The following FYTTD1 variants were observed in gnomAD, a reference collection of about 807,000 sequenced individuals.
The protein encoded by FYTTD1 is forty-two-three domain containing 1.
In FYTTD1, 22 loss-of-function variants were observed where a neutral mutation model predicts 40.9. That is an observed-to-expected ratio of 0.54 (90% CI 0.38 to 0.77). The LOEUF (loss-of-function observed/expected upper bound fraction) is 0.77, where lower values mean the gene tolerates loss of function less well. Ranked by LOEUF, FYTTD1 falls within the 30% of genes least tolerant of loss-of-function variation. The probability of loss-of-function intolerance (pLI) is 0.00; values close to 1 mark genes in which losing one functional copy is unlikely to be tolerated. For synonymous variants in FYTTD1, 140 were observed against 137.9 expected (o/e 1.01, Z -0.10); for missense variants, 351 against 392.2 (o/e 0.90, Z 0.89).
rs113331877 is a variant in FYTTD1, at chr3:197,754,806, G to A, written c.104-1620G>A. On this transcript the variant is annotated intron_variant, in intron 1 of 8. Coordinates refer to ENST00000241502, the MANE Select transcript of FYTTD1 (RefSeq NM_032288.7). ...CAGCCTCCTGGGTAGCTGGGACCAC[G>A]GGCACGCACCACCATGCCTGGCTAA... 7.3e-3 allele frequency among the ~76,000 whole-genome samples: 1,114 copies of A among 151,630 alleles called. 13 individuals carry two copies. The highest frequency in any genetic ancestry group is 0.025 in the African/African-American group (1,044 of 41,306).
At chr3:197,756,701 C>G (rs976876293) in intron 2 of FYTTD1, 144 bp downstream of exon 2, 2 of 757,244 alleles carry the variant, frequency 2.6e-6, no homozygotes, top group South Asian at 1.8e-5. Context: ...TTGTTTAGAT[C>G]TAAAACCTGG....
chr3:197,785,294 A>G lies in FYTTD1; in HGVS notation c.*3385A>G, dbSNP rs1730130016. 6.6e-6 allele frequency: 1 copy of G among 152,202 alleles called. No homozygotes were observed. The highest frequency in any genetic ancestry group is 1.5e-5 in the Non-Finnish European group (1 of 68,042). 9.4% of individuals were successfully genotyped at this position (152,202 alleles called of 1,614,324 possible). A position where few individuals can be genotyped will look rare whatever the true frequency, so the allele number is the denominator to read the frequency against. Reference sequence around the variant, plus strand: ...TTGTATATACCCAACCCTGCGCAATACTGAAGTCCCACATCTGTGTAAACG... The same window carrying G: ...TTGTATATACCCAACCCTGCGCAATGCTGAAGTCCCACATCTGTGTAAACG... On this transcript the variant is annotated 3_prime_UTR_variant, in exon 9 of 9. Transcript: ENST00000241502.
rs1730133979 is a variant in FYTTD1 at position 197,785,492 on chromosome 3, T to TG, written c.*3584dup. The TG allele has an allele frequency of 6.6e-6, 1 of 152,206 alleles. No homozygotes were observed. The highest frequency in any genetic ancestry group is 6.5e-5 in the Admixed American group (1 of 15,282). 9.4% of individuals were successfully genotyped at this position (152,206 alleles called of 1,614,324 possible). ...GGAAACAGGCCTCATTGCTCAGCAG[T>TG]GAGTTTTTATTAGACTAGGTATGTA... On this transcript the variant is annotated 3_prime_UTR_variant, in exon 9 of 9. Coordinates refer to ENST00000241502, the MANE Select transcript of FYTTD1 (RefSeq NM_032288.7).
chr3:197,776,755 C>T (rs1311322411), intron 6 of FYTTD1, among the ~76,000 whole-genome samples, 172 bp from the exon 7 acceptor site: 2 of 151,750 alleles, frequency 1.3e-5, no homozygotes, highest in Non-Finnish European at 2.9e-5. Context: ...ATTCAGATGC[C>T]CAGTTCCGCA....
intron 7 of FYTTD1, among the ~76,000 whole-genome samples, chr3:197,777,799 C>T (rs534193711): frequency 6.8e-4 from 104 of 152,128 alleles, no homozygotes; most frequent in Non-Finnish European, 1.3e-3. Flanking sequence ...ACTGCTGCCT[C>T]GAACTCCTGG....
intron 2 of FYTTD1, 117 bp from the exon 3 acceptor site, chr3:197,768,322 A>G: frequency 1.5e-6 from 1 of 689,208 alleles, no homozygotes; most frequent in South Asian, 3.1e-5. Context: ...TAAAAAACAT[A>G]AATAATAACA....
chr3:197,750,431 C>A (rs1304890281), intron 1 of FYTTD1: 1 of 1,020,052 alleles, frequency 9.8e-7, no homozygotes, highest in Non-Finnish European at 1.2e-6. Context: ...AAAGATCTGC[C>A]GGTTTCCCCG....
At chr3:197,755,772 G>GTACT in intron 1 of FYTTD1, 2 of 1,549,482 alleles carry the variant, frequency 1.3e-6, no homozygotes. Flanking sequence ...ATAGGTGTGA[G>GTACT]TCACCATGCC....
chr3:197,766,310 A>G (rs1020598749), intron 2 of FYTTD1, among the ~76,000 whole-genome samples: 1 of 152,158 alleles, frequency 6.6e-6, no homozygotes, highest in South Asian at 2.1e-4. Flanking sequence ...AACTAACTGA[A>G]ATGATTAGTA....
intron 5 of FYTTD1, 150 bp downstream of exon 5, chr3:197,773,649 A>G: frequency 1.8e-6 from 1 of 562,814 alleles, no homozygotes; most frequent in Non-Finnish European, 3.1e-6. Context: ...TTCCTGTTGT[A>G]TGTTTTTTAT....
chr3:197,749,787 G>C, upstream of FYTTD1: 1 of 499,178 alleles, frequency 2.0e-6, no homozygotes. Context: ...GTCACGGCGC[G>C]GGGCCGCTCT....
At chr3:197,775,655 A>G (rs1729855076) in intron 6 of FYTTD1, among the ~76,000 whole-genome samples, 1 of 152,218 alleles carries the variant, frequency 6.6e-6, no homozygotes, top group Admixed American at 6.5e-5. Context: ...GCTGTAAAAC[A>G]TGGTCAGGGC....
chr3:197,755,611 A>ATTT lies in FYTTD1; in HGVS notation c.104-815_104-814insTTT, dbSNP rs1560492096. ...CAGGCATGCACCGCCATACCCGGCTAATTTATTTATTTATTTATTTATTTA... is the reference window on the plus strand; with the variant it reads ...CAGGCATGCACCGCCATACCCGGCTATTTATTTATTTATTTATTTATTTATTTA... On this transcript the variant is annotated intron_variant, in intron 1 of 8. Coordinates refer to ENST00000241502, the MANE Select transcript of FYTTD1 (RefSeq NM_032288.7). 1,335 of 201,170 alleles carry ATTT rather than the reference A, an allele frequency of 6.6e-3. 15 individuals carry two copies. Among genetic ancestry groups the ATTT allele is most frequent in the Admixed American group, 0.01 (166 of 15,906 alleles). The allele number at this position is 201,170 out of a possible 1,614,324, so 12.5% of individuals were successfully genotyped here. A position where few individuals can be genotyped will look rare whatever the true frequency, so the allele number is the denominator to read the frequency against.
At chr3:197,767,097 C>T (rs1461860943) in intron 2 of FYTTD1, among the ~76,000 whole-genome samples, 1 of 151,566 alleles carries the variant, frequency 6.6e-6, no homozygotes, top group East Asian at 1.9e-4. Flanking sequence ...TAACGGGCAG[C>T]CCCTGAACCA....
At chr3:197,758,209 C>T (rs975151915) in intron 2 of FYTTD1, among the ~76,000 whole-genome samples, 2 of 152,226 alleles carry the variant, frequency 1.3e-5, no homozygotes, top group Admixed American at 6.5e-5. Context: ...AGCCACTGCG[C>T]CTGGCCTAAA....
rs1730174550 is a variant in FYTTD1 at position 197,787,267 on chromosome 3, C to T, written c.*5358C>T. The stretch of plus-strand genomic sequence containing the variant: ...CTGGGATTACAGGCACGTGCCACTA[C>T]ACCCAGCTAATTTTTGTACTAAGAC... On this transcript the variant is annotated 3_prime_UTR_variant, in exon 9 of 9. Transcript: ENST00000241502. The T allele has an allele frequency of 6.6e-6, 1 of 152,030 alleles. No individual in the cohort carries two copies. Among genetic ancestry groups the T allele is most frequent in the African/African-American group, 2.4e-5 (1 of 41,342 alleles). The allele number at this position is 152,030 out of a possible 1,614,324, so 9.4% of individuals were successfully genotyped here.
intron 2 of FYTTD1, among the ~76,000 whole-genome samples, 189 bp downstream of exon 2, chr3:197,756,746 T>C (rs1344887413): frequency 1.3e-5 from 2 of 152,246 alleles, no homozygotes; most frequent in African/African-American, 2.4e-5. Flanking sequence ...GACGTAACAC[T>C]GTCTCTTAAA....
At chr3:197,758,251 A>G (rs2109038470) in intron 2 of FYTTD1, among the ~76,000 whole-genome samples, 1 of 152,354 alleles carries the variant, frequency 6.6e-6, no homozygotes, top group Non-Finnish European at 1.5e-5. Context: ...AACATACTAT[A>G]TATTTTTGTA....
At position 197,756,421 on chromosome 3, in the gene FYTTD1, C is replaced by A; in HGVS notation, c.104-5C>A. On this transcript the variant is annotated splice_polypyrimidine_tract_variant and splice_region_variant and intron_variant, in intron 1 of 8. Coordinates refer to ENST00000241502, the MANE Select transcript of FYTTD1 (RefSeq NM_032288.7). The stretch of plus-strand genomic sequence containing the variant: ...TGAAAATAATTGACATTTCCTCTAT[C>A]ATAGATGATATCATCAAGTTGAATC... 3.8e-6 allele frequency: 6 copies of A among 1,597,566 alleles called. No homozygotes were observed. Among genetic ancestry groups the A allele is most frequent in the Non-Finnish European group, 4.3e-6 (5 of 1,164,988 alleles).
Sources: gnomAD v4.1 joint callset for allele counts (sites outside exome capture counted in the v4.1 genomes callset) on GRCh38, gnomAD v4.1.1 for gene constraint, MANE v1.5 for transcripts, NCBI Gene and HGNC (gene_info 2026-07-23, HGNC 2026-07-21) for gene names.